The following AHCY variants were observed in gnomAD, a reference collection of about 807,000 sequenced individuals.
The protein encoded by AHCY is adenosylhomocysteinase.
Under a neutral mutation model 45.4 loss-of-function variants are expected in AHCY, and 24 were observed. The observed-to-expected ratio is 0.53, with a 90% CI of 0.38 to 0.74. The LOEUF is 0.74. Among genes scored for constraint, AHCY ranks in the 30% least tolerant of loss-of-function variants. The pLI is 0.00. For missense variants in AHCY, 449 were observed against 594.1 expected, an observed-to-expected ratio of 0.76 and a Z score of 2.54; for synonymous variants, 245 against 235.1, an observed-to-expected ratio of 1.04 and a Z score of -0.39.
intron 1 of AHCY, among the ~76,000 whole-genome samples, chr20:34,297,686 A>G (rs2036619622): frequency 1.3e-5 from 2 of 151,524 alleles, no homozygotes; most frequent in African/African-American, 2.4e-5. Flanking sequence ...CCCATTTTCT[A>G]CTCTCCTCAA....
At chr20:34,250,721 C>T in the AHCY span, among the ~76,000 whole-genome samples, 1 of 152,068 alleles carries the variant, frequency 6.6e-6, no homozygotes, top group East Asian at 1.9e-4. Flanking sequence ...CGCTTGAACC[C>T]GGGAGGTGGA....
chr20:34,242,090 T>C, the AHCY span, among the ~76,000 whole-genome samples: 2 of 152,178 alleles, frequency 1.3e-5, no homozygotes, highest in Non-Finnish European at 2.9e-5. Context: ...TTCGCTCTGC[T>C]TCAGTGATAT....
chr20:34,290,028 G>A lies in AHCY; in HGVS notation c.972+304C>T, dbSNP rs1464299057. 1.3e-5 allele frequency among the ~76,000 whole-genome samples: 2 copies of A among 152,122 alleles called. No individual in the cohort carries two copies. Among genetic ancestry groups the A allele is most frequent in the Admixed American group, 6.5e-5 (1 of 15,274 alleles). ...CCATCATCCCCTGCAGGGATTCTACGAGCCTCCTCTAAAAGCCTCTCTCCC... is the reference window on the plus strand; with the variant it reads ...CCATCATCCCCTGCAGGGATTCTACAAGCCTCCTCTAAAAGCCTCTCTCCC... On this transcript the variant is annotated intron_variant, in intron 8 of 9. Coordinates refer to ENST00000217426, the MANE Select transcript of AHCY (RefSeq NM_000687.4). The surrounding 1 kb of genome is among the most constrained non-coding windows in gnomAD (Gnocchi z 4.5).
chr20:34,261,761 C>T, the AHCY span, among the ~76,000 whole-genome samples: 2 of 152,072 alleles, frequency 1.3e-5, no homozygotes, highest in African/African-American at 2.4e-5. Flanking sequence ...ATGATCACAC[C>T]ATTGCACTCC....
At chr20:34,292,899 A>G (rs1215457041) in intron 3 of AHCY, among the ~76,000 whole-genome samples, 1 of 151,960 alleles carries the variant, frequency 6.6e-6, no homozygotes, top group Non-Finnish European at 1.5e-5. Flanking sequence ...TGAGGCATCA[A>G]CCCTGAGTGA....
At chr20:34,297,015 G>C (rs1259263775) in intron 1 of AHCY, among the ~76,000 whole-genome samples, 1 of 151,992 alleles carries the variant, frequency 6.6e-6, no homozygotes, top group Non-Finnish European at 1.5e-5. Context: ...GCTCTCCTTG[G>C]AAATCTGGAC....
chr20:34,258,700 A>ATATATATATATATATATACACACATAC, the AHCY span, among the ~76,000 whole-genome samples: 1,010 of 77,882 alleles, frequency 0.013, 142 homozygotes, highest in Non-Finnish European at 0.017. Context: ...TACATACTAT[A>ATATATATATATATATATACACACATAC]TATATATATT....
At chr20:34,249,824 T>C in the AHCY span, among the ~76,000 whole-genome samples, 3 of 152,234 alleles carry the variant, frequency 2.0e-5, no homozygotes, top group Admixed American at 2.0e-4. Context: ...GAACCCATTA[T>C]GGACCCAGAG....
chr20:34,256,162 C>T, the AHCY span, among the ~76,000 whole-genome samples: 21 of 152,360 alleles, frequency 1.4e-4, no homozygotes, highest in South Asian at 2.7e-3. Context: ...CTCTCCGCCT[C>T]GGCTGCCAAA....
chr20:34,295,909 C>T (rs2036564658), intron 1 of AHCY, among the ~76,000 whole-genome samples: 1 of 152,200 alleles, frequency 6.6e-6, no homozygotes, highest in Admixed American at 6.5e-5. Context: ...CTGCTGACAC[C>T]TACCAACCTC....
At chr20:34,309,371 A>G (rs548994888) in intron 1 of AHCY, among the ~76,000 whole-genome samples, 2 of 152,334 alleles carry the variant, frequency 1.3e-5, no homozygotes, top group South Asian at 2.1e-4. Context: ...ACCTTTTATC[A>G]TTAATAATGA....
the AHCY span, chr20:34,269,266 CGGGCGGAGGTTCCA>C: frequency 7.3e-7 from 1 of 1,378,426 alleles, no homozygotes; most frequent in Non-Finnish European, 9.4e-7. Flanking sequence ...GGGCTGCAGG[CGGGCGGAGGTTCCA>C]GGAGATGGGA....
At chr20:34,257,104 G>A in the AHCY span, among the ~76,000 whole-genome samples, 1 of 70,774 alleles carries the variant, frequency 1.4e-5, no homozygotes, top group East Asian at 3.6e-4. Flanking sequence ...TTTGTTTTTT[G>A]AGACAGTTTC....
chr20:34,297,860 T>C (rs533271733), intron 1 of AHCY, among the ~76,000 whole-genome samples: 10 of 150,950 alleles, frequency 6.6e-5, no homozygotes, highest in Middle Eastern at 3.4e-3. Context: ...ATGAGTTGAA[T>C]GGGCGCGGTG....
the AHCY span, among the ~76,000 whole-genome samples, chr20:34,244,588 A>T: frequency 6.6e-6 from 1 of 152,202 alleles, no homozygotes; most frequent in Non-Finnish European, 1.5e-5. Flanking sequence ...TCATTTTCCA[A>T]TTGTTCATTT....
Position 34,290,050 on chromosome 20 carries a change from T to C in AHCY, c.972+282A>G, listed in dbSNP as rs989618603. Among the ~76,000 whole-genome samples, 2 of 152,106 alleles carry C rather than the reference T, an allele frequency of 1.3e-5. No individual in the cohort carries two copies. The highest frequency in any genetic ancestry group is 4.8e-5 in the African/African-American group (2 of 41,418). Reference sequence around the variant, plus strand: ...TACGAGCCTCCTCTAAAAGCCTCTCTCCCCACCACCCGCCATTGTTGCTTT... The same window carrying C: ...TACGAGCCTCCTCTAAAAGCCTCTCCCCCCACCACCCGCCATTGTTGCTTT... On this transcript the variant is annotated intron_variant, in intron 8 of 9. Transcript: ENST00000217426. The surrounding 1 kb of genome is among the most constrained non-coding windows in gnomAD (Gnocchi z 4.5).
chr20:34,248,549 T>A, the AHCY span, among the ~76,000 whole-genome samples: 9 of 152,302 alleles, frequency 5.9e-5, no homozygotes, highest in East Asian at 1.7e-3. Flanking sequence ...ACGCTTGTAA[T>A]TCCAGCACTT....
At position 34,295,464 on chromosome 20, in the gene AHCY, G is replaced by C; in HGVS notation, c.150C>G (p.Ile50Met). The C allele has an allele frequency of 6.2e-7, 1 of 1,614,140 alleles. No individual in the cohort carries two copies. Among genetic ancestry groups the C allele is most frequent in the Non-Finnish European group, 8.5e-7 (1 of 1,180,046 alleles). ...CCACGGTCATGTGCAGGCAGCCAGC[G>C]ATGCGGGCGCCCTTCAGTGGCTTGG... Reference protein sequence around the residue: ...SASKPLKGARIAGCLHMTVET... With the variant: ...SASKPLKGARMAGCLHMTVET... Residue 50 changes from isoleucine (I) to methionine (M), a missense_variant, in exon 2 of 10, where the codon ATC becomes ATG. By Grantham distance (10) the Ile-to-Met change is conservative. Coordinates refer to ENST00000217426, the MANE Select transcript of AHCY (RefSeq NM_000687.4).
rs1318777597 is a variant in AHCY at position 34,290,721 on chromosome 20, C to CG, written c.766+9_766+10insC. On this transcript the variant is annotated intron_variant, in intron 6 of 9. Coordinates refer to ENST00000217426, the MANE Select transcript of AHCY (RefSeq NM_000687.4). This position sits in a 1 kb window ranked among gnomAD's most constrained non-coding sequence, Gnocchi z 4.5. Reference sequence around the variant, plus strand: ...CCAGTGGCTGACAACCAACCCTTGCCCTATCCTACCCTCCATGGCAGCCTG... The same window carrying CG: ...CCAGTGGCTGACAACCAACCCTTGCCGCTATCCTACCCTCCATGGCAGCCTG... 1.9e-6 allele frequency: 3 copies of CG among 1,613,730 alleles called. No individual in the cohort carries two copies. The highest frequency in any genetic ancestry group is 3.3e-5 in the Admixed American group (2 of 60,026).
Sources: allele counts gnomAD v4.1 joint callset (sites outside exome capture counted in the v4.1 genomes callset), GRCh38; gene constraint gnomAD v4.1.1; non-coding constraint Gnocchi (gnomAD v3.1); transcripts MANE v1.5; gene names NCBI Gene and HGNC (gene_info 2026-07-23, HGNC 2026-07-21).